EIF4G2: variants seen among roughly 807,000 people sequenced by gnomAD.
The protein encoded by EIF4G2 is eukaryotic translation initiation factor 4 gamma 2.
In EIF4G2, 8 loss-of-function variants were observed where a neutral mutation model predicts 117.7. The observed-to-expected ratio is 0.07, with a 90% CI of 0.04 to 0.12. The LOEUF (loss-of-function observed/expected upper bound fraction) is 0.12. EIF4G2 is among the 10% of genes least tolerant of loss of function. The pLI is 1.00. For missense variants in EIF4G2, 812 were observed against 1,086.2 expected (o/e 0.75, Z 3.55); for synonymous variants, 413 against 367.8 (o/e 1.12, Z -1.41).
In EIF4G2 at chr11:10,801,854, C is replaced by T; in HGVS notation, c.1300-80G>A. 2.2e-6 allele frequency: 3 copies of T among 1,378,408 alleles called. No homozygotes were observed. The South Asian group carries it at 3.8e-5, about 17-fold the overall frequency. 85.4% of individuals were successfully genotyped at this position (1,378,408 alleles called of 1,614,324 possible). On this transcript the variant is annotated intron_variant, in intron 13 of 21. Transcript: ENST00000339995. The stretch of plus-strand genomic sequence containing the variant: ...GTAATCAAGTACCAAAGGGATGAGC[C>T]AAGCCATAAAGTTAGTTTAACTGAA...
At chr11:10,805,855 C>G (rs1847551900) in intron 4 of EIF4G2, 52 bp downstream of exon 4, 2 of 1,596,748 alleles carry the variant, frequency 1.3e-6, no homozygotes, top group Admixed American at 1.7e-5. Context: ...ACACACCAAA[C>G]ACAGCTAATC....
chr11:10,799,077 A>G lies in EIF4G2; in HGVS notation c.2573T>C (p.Met858Thr), dbSNP rs1302712527. The change falls in exon 21 of 22, where the codon ATG (methionine) becomes ACG (threonine). Residue 858 changes from methionine (M) to threonine (T), a missense_variant. Physicochemically the swap from Met to Thr is moderately conservative, Grantham distance 81 (BLOSUM62 -1). This residue lies in a region of EIF4G2 where 571 missense variants were observed against 642.3 expected (regional missense o/e 0.89). Transcript: ENST00000339995. ...GAAAGCTTCTTCTTCAATAATTTCC[A>G]TGTCATAGAAGTGCACAAAAAAGCG... 6.2e-7 allele frequency: 1 copy of G among 1,610,766 alleles called. No individual in the cohort carries two copies. The highest frequency in any genetic ancestry group is 1.3e-5 in the African/African-American group (1 of 74,500).
chr11:10,801,863 A>T, intron 13 of EIF4G2, 89 bp from the exon 14 acceptor site: 1 of 1,322,450 alleles, frequency 7.6e-7, no homozygotes, highest in South Asian at 1.3e-5. Context: ...CCAAGCCATA[A>T]AGTTAGTTTA....
intron 21 of EIF4G2, among the ~76,000 whole-genome samples, chr11:10,798,361 TCTC>T (rs756239605): frequency 7.2e-4 from 110 of 152,154 alleles, no homozygotes; most frequent in African/African-American, 1.6e-3. Context: ...ATCAGAAACA[TCTC>T]CTCTTTTTAG....
At position 10,799,125 on chromosome 11, in the gene EIF4G2, A is replaced by AG; in HGVS notation, c.2537-13_2537-12insC. 1 of 1,576,814 alleles carries AG rather than the reference A, an allele frequency of 6.3e-7. No individual in the cohort carries two copies. Among genetic ancestry groups the AG allele is most frequent in the South Asian group, 1.2e-5 (1 of 83,506 alleles). On this transcript the variant is annotated splice_polypyrimidine_tract_variant and intron_variant, in intron 20 of 21. Transcript: ENST00000339995. ...GCGAAGTAACATGCCTTAAAAAAAA[A>AG]AAAAAAAAGAAAAAAGTAATAAGCC...
intron 5 of EIF4G2, 150 bp downstream of exon 5, chr11:10,804,763 C>A: frequency 1.5e-6 from 1 of 662,138 alleles, no homozygotes. Context: ...GTCAGTGGTT[C>A]TTTTTAATCA....
chr11:10,801,226 C>T, intron 14 of EIF4G2, 139 bp from the exon 15 acceptor site: 2 of 1,269,164 alleles, frequency 1.6e-6, no homozygotes, highest in Non-Finnish European at 2.1e-6. Context: ...AGGTACTCCA[C>T]ATTAACAGGT....
chr11:10,799,135 A>G (rs1847346875), intron 20 of EIF4G2, 22 bp from the exon 21 acceptor site: 4 of 1,563,208 alleles, frequency 2.6e-6, no homozygotes, highest in South Asian at 2.4e-5. Flanking sequence ...AAAAAAAAAG[A>G]AAAAAGTAAT....
chr11:10,801,151 ACATTCTAAAATC>A, intron 14 of EIF4G2, 64 bp from the exon 15 acceptor site: 2 of 1,597,026 alleles, frequency 1.3e-6, no homozygotes, highest in South Asian at 2.2e-5. Flanking sequence ...ATTAAATACA[ACATTCTAAAATC>A]CTATACAGTG....
At chr11:10,807,671 G>A in intron 1 of EIF4G2, 9 of 1,017,862 alleles carry the variant, frequency 8.8e-6, no homozygotes, top group Non-Finnish European at 1.1e-5. Context: ...TGAGCACTGA[G>A]ATCAATAGAA....
chr11:10,805,132 CAT>C (rs1211782221), intron 4 of EIF4G2, 117 bp from the exon 5 acceptor site: 5 of 795,808 alleles, frequency 6.3e-6, no homozygotes, highest in Non-Finnish European at 1.0e-5. Context: ...AAAATCAAGA[CAT>C]GTTTTCTTAC....
At position 10,808,925 on chromosome 11, in the gene EIF4G2, G is replaced by A. The variant is rs1182143204; in HGVS notation, c.-307C>T. On this transcript the variant is annotated 5_prime_UTR_variant, in exon 1 of 22. Coordinates refer to ENST00000339995, the MANE Select transcript of EIF4G2 (RefSeq NM_001418.4). ...TCCATAGAGCTCCGACTCACTGCTG[G>A]CGCTAAGGCGTGTCTGAAGCCGAAC... The A allele has an allele frequency of 6.5e-6, 1 of 154,088 alleles. No individual in the cohort carries two copies. Among genetic ancestry groups the A allele is most frequent in the East Asian group, 1.9e-4 (1 of 5,184 alleles). 9.5% of individuals were successfully genotyped at this position (154,088 alleles called of 1,614,324 possible).
In EIF4G2 at chr11:10,802,340, A is replaced by G. The variant is rs1847446102; in HGVS notation, c.1092T>C (p.Asp364=). The G allele has an allele frequency of 6.2e-7, 1 of 1,613,964 alleles. No homozygotes were observed. The highest frequency in any genetic ancestry group is 8.5e-7 in the Non-Finnish European group (1 of 1,179,966). Residue 364 remains aspartate (D), a synonymous_variant, in exon 12 of 22, where the codon GAT becomes GAC. Transcript: ENST00000339995. ...CAGCAAGTCCTCCAAGTGGGTCCCT[A>G]TCCATTTTCATCCTGGGTGGCATGA...
chr11:10,804,739 C>T lies in EIF4G2; in HGVS notation c.351+174G>A, dbSNP rs1019421037. 8 of 625,786 alleles carry T rather than the reference C, an allele frequency of 1.3e-5. 1 individual carries two copies. The highest frequency in any genetic ancestry group is 4.3e-5 in the South Asian group (2 of 47,058). 38.8% of individuals were successfully genotyped at this position (625,786 alleles called of 1,614,324 possible). A position where few individuals can be genotyped will look rare whatever the true frequency, so the allele number is the denominator to read the frequency against. ...TGAACTTAACATTTACCTCTTCAAT[C>T]TAATGCTACTAAAGTCAGTGGTTCT... is the stretch of plus-strand genomic sequence containing the variant. On this transcript the variant is annotated intron_variant, in intron 5 of 21. Coordinates refer to ENST00000339995, the MANE Select transcript of EIF4G2 (RefSeq NM_001418.4).
At chr11:10,798,032 T>C in intron 21 of EIF4G2, 151 bp from the exon 22 acceptor site, 2 of 682,820 alleles carry the variant, frequency 2.9e-6, no homozygotes, top group Non-Finnish European at 5.0e-6. Context: ...AGTGGTATAT[T>C]ATCCAGATTT....
rs78342601 is a variant in EIF4G2 at position 10,801,510 on chromosome 11, T to C, written c.1413+151A>G. On this transcript the variant is annotated intron_variant, in intron 14 of 21. Coordinates refer to ENST00000339995, the MANE Select transcript of EIF4G2 (RefSeq NM_001418.4). ...ATCTTCGCTCACAGGACGCTGGACA[T>C]TCAAAGAAAGAAAAAGAAGTATAGA... is the stretch of plus-strand genomic sequence containing the variant. 9.1e-3 allele frequency: 7,618 copies of C among 835,872 alleles called. 438 individuals carry two copies. In the East Asian group the frequency reaches 0.14, roughly 15 times the overall value. The allele number at this position is 835,872 out of a possible 1,614,324, so 51.8% of individuals were successfully genotyped here. A position where few individuals can be genotyped will look rare whatever the true frequency, so the allele number is the denominator to read the frequency against.
Position 10,804,180 on chromosome 11 carries a change from G to A in EIF4G2, c.507C>T (p.Ser169=), listed in dbSNP as rs1043466720. 6.2e-7 allele frequency: 1 copy of A among 1,614,040 alleles called. No homozygotes were observed. Among genetic ancestry groups the A allele is most frequent in the Non-Finnish European group, 8.5e-7 (1 of 1,180,040 alleles). ...GGTTTTCAAATTCATCTTGTAATTT[G>A]GAAATTAGGAGGCGTCTGAATGTCT... The change falls in exon 7 of 22, where the codon TCC becomes TCT. Residue 169 remains serine, a synonymous_variant. Transcript: ENST00000339995.
intron 11 of EIF4G2, among the ~76,000 whole-genome samples, chr11:10,802,692 CCT>C (rs565596141): frequency 6.6e-6 from 1 of 152,068 alleles, no homozygotes; most frequent in South Asian, 2.1e-4. Context: ...ATGGTGGAAC[CCT>C]GTCTCTACTA....
chr11:10,804,237 G>A (rs766060636), intron 6 of EIF4G2, 34 bp from the exon 7 acceptor site: 4 of 1,613,010 alleles, frequency 2.5e-6, no homozygotes, highest in Admixed American at 1.7e-5. Context: ...CTTTATTAAG[G>A]AAATTTTTCA....
Sources: gnomAD v4.1 joint callset for allele counts (sites outside exome capture counted in the v4.1 genomes callset) on GRCh38, gnomAD v4.1.1 for gene constraint, gnomAD v4.1.1 regional missense constraint, MANE v1.5 for transcripts, NCBI Gene and HGNC (gene_info 2026-07-23, HGNC 2026-07-21) for gene names.